The following OPRL1 variants were observed in gnomAD, a reference collection of about 807,000 sequenced individuals.
OPRL1 encodes opioid related nociceptin receptor 1.
A neutral mutation model predicts 15.5 loss-of-function variants in OPRL1; 5 were observed. The observed-to-expected ratio is 0.32, with a 90% CI of 0.17 to 0.68. OPRL1 has a LOEUF of 0.68. Among genes scored for constraint, OPRL1 ranks in the 30% least tolerant of loss-of-function variants. The pLI, the probability that OPRL1 is intolerant of heterozygous loss-of-function variation, is 0.72. For synonymous variants in OPRL1, 223 were observed against 230.2 expected (o/e 0.97, Z 0.28); for missense variants, 406 against 515.3 (o/e 0.79, Z 2.05).
chr20:64,088,704 G>GCCAGGATCTGTGCAGAGTGGCCAGGA (rs2060083662), intron 1 of OPRL1, among the ~76,000 whole-genome samples: 2 of 25,490 alleles, frequency 7.8e-5, no homozygotes, highest in African/African-American at 1.3e-4. Flanking sequence ...GGAGGCCAGG[G>GCCAGGATCTGTGCAGAGTGGCCAGGA]TCTGTGCAGA....
In OPRL1 at chr20:64,098,836, C is replaced by T. The variant is rs1979524629; in HGVS notation, c.*37C>T. 2 of 1,556,708 alleles carry T rather than the reference C, an allele frequency of 1.3e-6. No homozygotes were observed. Among genetic ancestry groups the T allele is most frequent in the Non-Finnish European group, 1.7e-6 (2 of 1,157,372 alleles). ...CCTGCCCATGGTGCCTGTCAGCCCGCAGAGCCCATCTACGCCCAACACAGA... is the reference window on the plus strand; with the variant it reads ...CCTGCCCATGGTGCCTGTCAGCCCGTAGAGCCCATCTACGCCCAACACAGA... On this transcript the variant is annotated 3_prime_UTR_variant, in exon 5 of 5. Coordinates refer to ENST00000336866, the MANE Select transcript of OPRL1 (RefSeq NM_182647.4).
At chr20:64,088,365 C>T (rs535328176) in intron 1 of OPRL1, among the ~76,000 whole-genome samples, 2 of 150,248 alleles carry the variant, frequency 1.3e-5, no homozygotes, top group Non-Finnish European at 3.0e-5. Flanking sequence ...ATCTGTGCAG[C>T]GTGCAGGATC....
At position 64,098,903 on chromosome 20, in the gene OPRL1, C is replaced by T. The variant is rs568422070; in HGVS notation, c.*104C>T. On this transcript the variant is annotated 3_prime_UTR_variant, in exon 5 of 5. Transcript: ENST00000336866. Reference sequence around the variant, plus strand: ...GCTCTCTAGGCGGACACACCCTGGGCCCTGAGCATCCAGAGCCTGGGATGG... The same window carrying T: ...GCTCTCTAGGCGGACACACCCTGGGTCCTGAGCATCCAGAGCCTGGGATGG... 2.8e-6 allele frequency: 4 copies of T among 1,406,696 alleles called. No homozygotes were observed. The East Asian group carries it at 9.8e-5, about 35-fold the overall frequency. The allele number at this position is 1,406,696 out of a possible 1,614,324, so 87.1% of individuals were successfully genotyped here.
rs1979308991 is a variant in OPRL1, at chr20:64,097,413, G to A, written c.234-389G>A. Among the ~76,000 whole-genome samples the A allele has an allele frequency of 2.0e-5, 3 of 152,204 alleles. No homozygotes were observed. The South Asian group carries it at 6.2e-4, about 32-fold the overall frequency. ...ATTTGAGTCTGTGAGGGGTCATGGA[G>A]GGGACTCAAAAGCAAGGGGAGCAGA... is the stretch of plus-strand genomic sequence containing the variant. On this transcript the variant is annotated intron_variant, in intron 3 of 4. Coordinates refer to ENST00000336866, the MANE Select transcript of OPRL1 (RefSeq NM_182647.4). The surrounding 1 kb of genome is among the most constrained non-coding windows in gnomAD (Gnocchi z 4.2).
Position 64,083,405 on chromosome 20 carries a change from C to A in OPRL1, c.-185+3053C>A. On this transcript the variant is annotated intron_variant, in intron 1 of 4. Transcript: ENST00000336866. This position sits in a 1 kb window ranked among gnomAD's most constrained non-coding sequence, Gnocchi z 4.9. The stretch of plus-strand genomic sequence containing the variant: ...GAGAATTATAACTTTATGTGGGAGG[C>A]TGGGGCGCGTCGCACACTCTCAGTC... 6.2e-7 allele frequency: 1 copy of A among 1,611,812 alleles called. No homozygotes were observed. The highest frequency in any genetic ancestry group is 8.5e-7 in the Non-Finnish European group (1 of 1,179,558).
At chr20:64,082,024 A>T (rs1270459148) in intron 1 of OPRL1, among the ~76,000 whole-genome samples, 2 of 152,184 alleles carry the variant, frequency 1.3e-5, no homozygotes, top group Admixed American at 1.3e-4. Context: ...AAATGGTGAA[A>T]TAATATGTGA....
At chr20:64,088,657 G>A (rs1423439770) in intron 1 of OPRL1, among the ~76,000 whole-genome samples, 15 of 151,142 alleles carry the variant, frequency 9.9e-5, no homozygotes, top group African/African-American at 1.9e-4. Flanking sequence ...TGTGCAGGGA[G>A]GCCAGGATCT....
chr20:64,088,862 G>GCCAGGA (rs2060089896), intron 1 of OPRL1, among the ~76,000 whole-genome samples: 1 of 17,032 alleles, frequency 5.9e-5, no homozygotes, highest in Non-Finnish European at 1.3e-4. Flanking sequence ...GGAGGGCAGG[G>GCCAGGA]TCTGTGCAGA....
In OPRL1 at chr20:64,083,514, G is replaced by A. The variant is rs2059993366; in HGVS notation, c.-185+3162G>A. 1 of 1,577,924 alleles carries A rather than the reference G, an allele frequency of 6.3e-7. No homozygotes were observed. The highest frequency in any genetic ancestry group is 1.1e-5 in the South Asian group (1 of 87,984). ...CCTCCGCTGCCGGGGAGAGAGGCTG[G>A]GGTCCGGCGTGTGCGGAGGCGGGCA... On this transcript the variant is annotated intron_variant, in intron 1 of 4. Transcript: ENST00000336866. The surrounding 1 kb of genome is among the most constrained non-coding windows in gnomAD (Gnocchi z 4.9).
At chr20:64,084,360 C>T in intron 1 of OPRL1, 3 of 1,284,414 alleles carry the variant, frequency 2.3e-6, no homozygotes, top group Non-Finnish European at 2.9e-6. Context: ...AGTTCCGCAC[C>T]CCCAGCCTCT....
chr20:64,082,803 TG>T (rs1371107239), intron 1 of OPRL1, among the ~76,000 whole-genome samples: 1 of 35,080 alleles, frequency 2.9e-5, no homozygotes, highest in Non-Finnish European at 5.2e-5. Flanking sequence ...TGAGTGTGTG[TG>T]GGGTGTGTGT....
intron 1 of OPRL1, chr20:64,084,196 G>C: frequency 7.0e-7 from 1 of 1,430,274 alleles, no homozygotes; most frequent in South Asian, 1.4e-5. Flanking sequence ...CCTTGCGCCC[G>C]CCCTCCTTCG....
Position 64,083,757 on chromosome 20 carries a change from C to T in OPRL1, c.-185+3405C>T, listed in dbSNP as rs547432659. 4.9e-5 allele frequency: 65 copies of T among 1,333,392 alleles called. 1 individual carries two copies. The South Asian group carries it at 1.1e-3, about 24-fold the overall frequency. 82.6% of individuals were successfully genotyped at this position (1,333,392 alleles called of 1,614,324 possible). A position where few individuals can be genotyped will look rare whatever the true frequency, so the allele number is the denominator to read the frequency against. On this transcript the variant is annotated intron_variant, in intron 1 of 4. Coordinates refer to ENST00000336866, the MANE Select transcript of OPRL1 (RefSeq NM_182647.4). The surrounding 1 kb of genome is among the most constrained non-coding windows in gnomAD (Gnocchi z 4.9). The stretch of plus-strand genomic sequence containing the variant: ...CGCCGAGCCCCGCCCCGCCCCGCCC[C>T]GGCCGGCTCCGCTCAACGCTCCCGG...
intron 1 of OPRL1, among the ~76,000 whole-genome samples, chr20:64,087,941 C>T (rs979041399): frequency 1.3e-5 from 2 of 152,228 alleles, no homozygotes; most frequent in Non-Finnish European, 2.9e-5. Context: ...TTTCTGGGTC[C>T]AGGGCTGGGC....
chr20:64,099,411 G>A lies in OPRL1; in HGVS notation c.*612G>A, dbSNP rs1279313836. On this transcript the variant is annotated 3_prime_UTR_variant, in exon 5 of 5. Coordinates refer to ENST00000336866, the MANE Select transcript of OPRL1 (RefSeq NM_182647.4). Reference sequence around the variant, plus strand: ...GCCACCTGGAGGACTTGCCTGTTCCGACTCCACCTGTGCAGCCGGGGCCAC... The same window carrying A: ...GCCACCTGGAGGACTTGCCTGTTCCAACTCCACCTGTGCAGCCGGGGCCAC... The A allele has an allele frequency of 2.0e-5, 3 of 152,832 alleles. No individual in the cohort carries two copies. Among genetic ancestry groups the A allele is most frequent in the Non-Finnish European group, 4.4e-5 (3 of 68,564 alleles). The allele number at this position is 152,832 out of a possible 1,614,324, so 9.5% of individuals were successfully genotyped here.
intron 1 of OPRL1, among the ~76,000 whole-genome samples, chr20:64,088,848 GCA>G: frequency 7.3e-6 from 1 of 136,472 alleles, no homozygotes; most frequent in South Asian, 2.3e-4. Context: ...CAGGATCTGT[GCA>G]GGGAGGGCAG....
At chr20:64,098,230 C>G in intron 4 of OPRL1, 46 bp from the exon 5 acceptor site, 2 of 1,602,886 alleles carry the variant, frequency 1.2e-6, no homozygotes, top group Non-Finnish European at 1.7e-6. Context: ...CCCACGTGCC[C>G]TCCACGTCTC....
chr20:64,098,871 G>C lies in OPRL1; in HGVS notation c.*72G>C. ...CTACGCCCAACACAGAGCTCACACA[G>C]GTCACTGCTCTCTAGGCGGACACAC... On this transcript the variant is annotated 3_prime_UTR_variant, in exon 5 of 5. Coordinates refer to ENST00000336866, the MANE Select transcript of OPRL1 (RefSeq NM_182647.4). The C allele has an allele frequency of 6.6e-7, 1 of 1,505,126 alleles. No individual in the cohort carries two copies. The highest frequency in any genetic ancestry group is 1.3e-5 in the South Asian group (1 of 77,460). The allele number at this position is 1,505,126 out of a possible 1,614,324, so 93.2% of individuals were successfully genotyped here.
chr20:64,085,648 AC>A (rs1474668826), intron 1 of OPRL1, among the ~76,000 whole-genome samples: 1 of 152,222 alleles, frequency 6.6e-6, no homozygotes, highest in Non-Finnish European at 1.5e-5. Context: ...CCAATCTGTT[AC>A]GTATCTATTA....
Sources: gnomAD v4.1 joint callset for allele counts (sites outside exome capture counted in the v4.1 genomes callset) on GRCh38, gnomAD v4.1.1 for gene constraint, Gnocchi (gnomAD v3.1) non-coding constraint, MANE v1.5 for transcripts, NCBI Gene and HGNC (gene_info 2026-07-23, HGNC 2026-07-21) for gene names.